Variants in EVA1A observed in about 807,000 individuals in gnomAD.
EVA1A encodes protein eva-1 homolog A.
In EVA1A, 7 loss-of-function variants were observed where a neutral mutation model predicts 9.8. The observed-to-expected ratio is 0.71, with a 90% CI of 0.41 to 1.34. EVA1A has a LOEUF of 1.34. Ranked by LOEUF, EVA1A falls within the 40% of genes most tolerant of loss-of-function variation. EVA1A has a pLI of 0.01. For synonymous variants in EVA1A, 90 were observed against 85.6 expected, an observed-to-expected ratio of 1.05 and a Z score of -0.28; for missense variants, 206 against 205.9, an observed-to-expected ratio of 1.00 and a Z score of 0.00.
At chr2:75,512,714 C>A (rs186333168) in intron 3 of EVA1A, among the ~76,000 whole-genome samples, 189 of 152,270 alleles carry the variant, frequency 1.2e-3, no homozygotes, top group African/African-American at 4.4e-3. Context: ...CTAGGGCATG[C>A]TTTCTCAACC....
intron 2 of EVA1A, among the ~76,000 whole-genome samples, chr2:75,522,047 C>T (rs575501383): frequency 1.2e-4 from 19 of 152,062 alleles, no homozygotes; most frequent in Admixed American, 1.1e-3. Context: ...GATGTTATTG[C>T]ATTTATTTTT....
intron 2 of EVA1A, among the ~76,000 whole-genome samples, chr2:75,519,516 A>G (rs1004534247): frequency 3.3e-5 from 5 of 152,218 alleles, no homozygotes; most frequent in African/African-American, 1.2e-4. Context: ...AAGTCCTTGG[A>G]GCGGCCAGAG....
chr2:75,510,985 A>T (rs985907756), intron 3 of EVA1A, among the ~76,000 whole-genome samples: 4 of 152,228 alleles, frequency 2.6e-5, no homozygotes, highest in Admixed American at 6.5e-5. Context: ...CTCTCGTGCT[A>T]CAATGCAAAG....
rs529762458 is a variant in EVA1A at position 75,493,548 on chromosome 2, G to T, written c.147C>A (p.Thr49=). Residue 49 remains threonine (T), a synonymous_variant, in exon 4 of 4, where the codon ACC becomes ACA. Coordinates refer to ENST00000393913, the MANE Select transcript of EVA1A (RefSeq NM_001135032.2). ...AGATCCTTATCACCAGAGCAGCCAG[G>T]GTCAGCACCAGCCCGATGCACACGC... ...VSGVCIGLVL[T]LAALVIRISC... is the part of the protein sequence containing the mutation. 1 of 1,614,066 alleles carries T rather than the reference G, an allele frequency of 6.2e-7. No homozygotes were observed. Among genetic ancestry groups the T allele is most frequent in the South Asian group, 1.1e-5 (1 of 91,062 alleles).
intron 1 of EVA1A, among the ~76,000 whole-genome samples, chr2:75,538,684 C>G (rs1184497125): frequency 6.6e-6 from 1 of 152,142 alleles, no homozygotes; most frequent in African/African-American, 2.4e-5. Context: ...ACTGTTGATA[C>G]ACAAGGCAAC....
At chr2:75,500,696 C>G (rs1380054526) in intron 3 of EVA1A, among the ~76,000 whole-genome samples, 1 of 151,976 alleles carries the variant, frequency 6.6e-6, no homozygotes, top group African/African-American at 2.4e-5. Flanking sequence ...TCTCTTACCT[C>G]TCTCTCTATC....
intron 3 of EVA1A, among the ~76,000 whole-genome samples, chr2:75,507,968 A>C (rs1674677140): frequency 6.6e-6 from 1 of 152,206 alleles, no homozygotes. Context: ...CCCCAAATTA[A>C]TAATTTTATA....
At chr2:75,507,183 T>G (rs1468355117) in intron 3 of EVA1A, among the ~76,000 whole-genome samples, 2 of 152,182 alleles carry the variant, frequency 1.3e-5, no homozygotes, top group Non-Finnish European at 2.9e-5. Flanking sequence ...TGGATTAGAC[T>G]CATGCTGCAT....
At chr2:75,539,609 T>G (rs1474921108) in intron 1 of EVA1A, among the ~76,000 whole-genome samples, 1 of 152,122 alleles carries the variant, frequency 6.6e-6, no homozygotes, top group Non-Finnish European at 1.5e-5. Context: ...AGGTTACAGC[T>G]GATAGAAAAG....
At chr2:75,542,559 A>T (rs1676168930) in intron 1 of EVA1A, 1 of 152,220 alleles carries the variant, frequency 6.6e-6, no homozygotes, top group South Asian at 2.1e-4. Flanking sequence ...TGCATTTCCG[A>T]GTCTTACCCA....
chr2:75,515,149 C>T (rs1674958124), intron 3 of EVA1A, among the ~76,000 whole-genome samples: 1 of 152,176 alleles, frequency 6.6e-6, no homozygotes, highest in Non-Finnish European at 1.5e-5. Flanking sequence ...CCTTTTGGGA[C>T]ACTTTTATTG....
In EVA1A at chr2:75,518,861, C is replaced by T. The variant is rs139911707; in HGVS notation, c.-68-653G>A. The T allele has an allele frequency of 2.5e-4, 243 of 985,416 alleles. 2 individuals are homozygous for T. Among genetic ancestry groups the T allele is most frequent in the Middle Eastern group, 5.2e-4 (1 of 1,914 alleles). The allele number at this position is 985,416 out of a possible 1,614,324, so 61.0% of individuals were successfully genotyped here. On this transcript the variant is annotated intron_variant, in intron 2 of 3. Transcript: ENST00000393913. ...TAAATGTGTGCCTTTGGCAGTGGTT[C>T]AGAGCTGGCTATCCCAGAACTGCCA...
intron 1 of EVA1A, among the ~76,000 whole-genome samples, chr2:75,527,774 T>A (rs368575903): frequency 7.2e-5 from 11 of 152,138 alleles, no homozygotes; most frequent in African/African-American, 2.7e-4. Context: ...AATACAATAA[T>A]GAGGAGTGTT....
chr2:75,557,996 A>G (rs1282330841), intron 1 of EVA1A, among the ~76,000 whole-genome samples: 1 of 152,254 alleles, frequency 6.6e-6, no homozygotes, highest in Non-Finnish European at 1.5e-5. Flanking sequence ...TGTAAAGAGT[A>G]TGTGTTTTGA....
At chr2:75,540,426 G>C (rs769180296) in intron 1 of EVA1A, among the ~76,000 whole-genome samples, 5 of 152,164 alleles carry the variant, frequency 3.3e-5, no homozygotes, top group Non-Finnish European at 7.3e-5. Context: ...GCACATCTGA[G>C]AAATGTGAAA....
intron 1 of EVA1A, among the ~76,000 whole-genome samples, chr2:75,532,594 A>G (rs1387578984): frequency 1.3e-5 from 2 of 152,204 alleles, no homozygotes; most frequent in Admixed American, 1.3e-4. Flanking sequence ...GGAAAAATAG[A>G]CTGGAAAAAA....
intron 1 of EVA1A, chr2:75,542,552 A>G (rs1218917489): frequency 6.6e-6 from 1 of 152,276 alleles, no homozygotes; most frequent in Non-Finnish European, 1.5e-5. Flanking sequence ...GCATCACTGC[A>G]TTTCCGAGTC....
rs543115764 is a variant in EVA1A, at chr2:75,532,159, C to CAA, written c.-191-9674_-191-9673dup. Among the ~76,000 whole-genome samples, 61 of 57,866 alleles carry CAA rather than the reference C, an allele frequency of 1.1e-3. 4 individuals carry two copies. Among genetic ancestry groups the CAA allele is most frequent in the East Asian group, 1.7e-3 (3 of 1,736 alleles). The allele number at this position is 57,866 out of a possible 152,430, so 38.0% of individuals were successfully genotyped here. A position where few individuals can be genotyped will look rare whatever the true frequency, so the allele number is the denominator to read the frequency against. ...TGGGTGACAGAGTGAGACTCTGTCTCAAAAAAAAAAAAAAAAAAAAAAAAA... is the reference window on the plus strand; with the variant it reads ...TGGGTGACAGAGTGAGACTCTGTCTCAAAAAAAAAAAAAAAAAAAAAAAAAAA... On this transcript the variant is annotated intron_variant, in intron 1 of 3. Transcript: ENST00000393913.
intron 3 of EVA1A, among the ~76,000 whole-genome samples, chr2:75,501,275 T>C (rs1268941448): frequency 2.0e-5 from 3 of 152,210 alleles, no homozygotes; most frequent in Non-Finnish European, 4.4e-5. Context: ...AAACTGAGTC[T>C]TTCTTACATT....
Sources: gnomAD v4.1 joint callset for allele counts (sites outside exome capture counted in the v4.1 genomes callset) on GRCh38, gnomAD v4.1.1 for gene constraint, MANE v1.5 for transcripts, NCBI Gene and HGNC (gene_info 2026-07-23, HGNC 2026-07-21) for gene names.